The following LTO1 variants were observed in gnomAD, a reference collection of about 807,000 sequenced individuals.
The protein encoded by LTO1 is protein LTO1 homolog.
In LTO1, 18 loss-of-function variants were observed where a neutral mutation model predicts 19.8. The ratio of observed to expected loss-of-function variants is 0.91; its 90% CI spans 0.63 to 1.35. LTO1 has a LOEUF of 1.35. Ranked by LOEUF, LTO1 falls within the 40% of genes most tolerant of loss-of-function variation. LTO1 has a pLI of 0.00. For synonymous variants in LTO1, 59 were observed against 59.6 expected (o/e 0.99, Z 0.05); for missense variants, 175 against 167.9 (o/e 1.04, Z -0.23).
At chr11:69,670,982 C>T (rs1371676111) in intron 3 of LTO1, among the ~76,000 whole-genome samples, 1 of 152,180 alleles carries the variant, frequency 6.6e-6, no homozygotes, top group Admixed American at 6.5e-5. Flanking sequence ...CTCACTGCAA[C>T]CTCTGCCTCC....
intron 3 of LTO1, among the ~76,000 whole-genome samples, chr11:69,670,876 G>T (rs538460406): frequency 6.6e-6 from 1 of 152,284 alleles, no homozygotes; most frequent in African/African-American, 2.4e-5. Context: ...GCTTCAGTAA[G>T]TACAATGCAG....
Position 69,673,268 on chromosome 11 carries a change from A to G in LTO1, c.104T>C (p.Val35Ala), listed in dbSNP as rs1275789290. 1.2e-6 allele frequency: 2 copies of G among 1,613,702 alleles called. No homozygotes were observed. Among genetic ancestry groups the G allele is most frequent in the East Asian group, 2.2e-5 (1 of 44,898 alleles). ...EGYEEGSSLG[V>A]MEGRQHGTLH... ...CGTGCCATGCTGCCTTCCCTCCATC[A>G]CACCCAAACTACTGCCTTCTTCATA... is the stretch of plus-strand genomic sequence containing the variant. Residue 35 changes from valine to alanine, a missense_variant, in exon 2 of 5, where the codon GTG becomes GCG. Coordinates refer to ENST00000279147, the MANE Select transcript of LTO1 (RefSeq NM_153451.3).
At position 69,665,745 on chromosome 11, in the gene LTO1, TGAG is replaced by T. The variant is rs1223886432; in HGVS notation, c.*1771_*1773del. On this transcript the variant is annotated 3_prime_UTR_variant, in exon 5 of 5. Coordinates refer to ENST00000279147, the MANE Select transcript of LTO1 (RefSeq NM_153451.3). The stretch of plus-strand genomic sequence containing the variant: ...GGCACCAGCTCTGATGAAGGCACAA[TGAG>T]GAGATGCCAGCACAGACTTCCCCAG... The T allele has an allele frequency of 6.6e-6, 1 of 152,060 alleles. No homozygotes were observed. Among genetic ancestry groups the T allele is most frequent in the Non-Finnish European group, 1.5e-5 (1 of 68,022 alleles). The allele number at this position is 152,060 out of a possible 1,614,324, so 9.4% of individuals were successfully genotyped here.
Position 69,675,348 on chromosome 11 carries a change from A to C in LTO1, c.-109T>G. On this transcript the variant is annotated 5_prime_UTR_variant, in exon 1 of 5. Transcript: ENST00000279147. ...CTCCGCTTGGGAGGAGACGAGACCCACTTCCGGAAGCGGCGGCGCGGGGCA... is the reference window on the plus strand; with the variant it reads ...CTCCGCTTGGGAGGAGACGAGACCCCCTTCCGGAAGCGGCGGCGCGGGGCA... 5 of 932,424 alleles carry C rather than the reference A, an allele frequency of 5.4e-6. No individual in the cohort carries two copies. Among genetic ancestry groups the C allele is most frequent in the Non-Finnish European group, 7.7e-6 (5 of 647,828 alleles). The allele number at this position is 932,424 out of a possible 1,614,324, so 57.8% of individuals were successfully genotyped here.
intron 1 of LTO1, chr11:69,674,619 AAT>A: frequency 2.7e-6 from 1 of 376,712 alleles, no homozygotes; most frequent in Non-Finnish European, 5.2e-6. Context: ...GCGCGAGCTA[AAT>A]AAACGTCAGC....
intron 2 of LTO1, 104 bp downstream of exon 2, chr11:69,673,112 A>G (rs1856134978): frequency 1.2e-6 from 1 of 810,116 alleles, no homozygotes; most frequent in Non-Finnish European, 2.2e-6. Flanking sequence ...CGGCACTGTG[A>G]TTTTAAAAGG....
chr11:69,671,715 C>CT (rs1856111586), intron 3 of LTO1, 34 bp downstream of exon 3: 1 of 1,246,580 alleles, frequency 8.0e-7, no homozygotes, highest in Admixed American at 1.7e-5. Context: ...CTCCTGGTTC[C>CT]TACGCTGAGA....
rs547891023 is a variant in LTO1, at chr11:69,669,097, AGTCTCTTG to A, written c.228-1093_228-1086del. Among the ~76,000 whole-genome samples the A allele has an allele frequency of 1.1e-3, 161 of 151,924 alleles. 1 individual carries two copies. Among genetic ancestry groups the A allele is most frequent in the African/African-American group, 3.7e-3 (155 of 41,416 alleles). On this transcript the variant is annotated intron_variant, in intron 3 of 4. Coordinates refer to ENST00000279147, the MANE Select transcript of LTO1 (RefSeq NM_153451.3). ...ACAGAGTAGGTGCTCAATAAATGTT[AGTCTCTTG>A]GTCTCTTGGTTTCCTCTGGATCCTA...
At chr11:69,668,767 C>T (rs1013166284) in intron 3 of LTO1, among the ~76,000 whole-genome samples, 1 of 151,872 alleles carries the variant, frequency 6.6e-6, no homozygotes, top group Non-Finnish European at 1.5e-5. Context: ...GTGGCTCACG[C>T]CTGTAATCCC....
In LTO1 at chr11:69,667,801, G is replaced by C. The variant is rs2119834691; in HGVS notation, c.345+94C>G. ...CAGTTCCGCGGCGCACGCAGCCCCA[G>C]GCCATTGCCGCAGCGGCCCCGGGAG... On this transcript the variant is annotated intron_variant, in intron 4 of 4. Transcript: ENST00000279147. 17 of 796,736 alleles carry C rather than the reference G, an allele frequency of 2.1e-5. No individual in the cohort carries two copies. In the South Asian group the frequency reaches 2.4e-4, roughly 11 times the overall value. The allele number at this position is 796,736 out of a possible 1,614,324, so 49.4% of individuals were successfully genotyped here. A position where few individuals can be genotyped will look rare whatever the true frequency, so the allele number is the denominator to read the frequency against.
At chr11:69,667,867 A>G in intron 4 of LTO1, 28 bp downstream of exon 4, 1 of 1,093,416 alleles carries the variant, frequency 9.1e-7, no homozygotes, top group South Asian at 1.2e-5. Context: ...AGGTGCTCCT[A>G]GCAGGAGGAA....
intron 1 of LTO1, among the ~76,000 whole-genome samples, chr11:69,674,040 A>G (rs1429591255): frequency 2.0e-5 from 3 of 151,940 alleles, no homozygotes; most frequent in African/African-American, 7.3e-5. Flanking sequence ...TTTTTAGTAG[A>G]GACGGGGTTT....
intron 3 of LTO1, among the ~76,000 whole-genome samples, chr11:69,668,992 C>T (rs2119839111): frequency 6.8e-6 from 1 of 146,130 alleles, no homozygotes; most frequent in African/African-American, 2.6e-5. Flanking sequence ...TGTGCCACTG[C>T]ACTCCAGCCT....
chr11:69,673,000 C>G, intron 2 of LTO1: 3 of 588,152 alleles, frequency 5.1e-6, no homozygotes, highest in Admixed American at 2.2e-5. Context: ...CAGGGTTTCA[C>G]CATGTTGGTC....
chr11:69,668,675 GT>G (rs60405881), intron 3 of LTO1, among the ~76,000 whole-genome samples: 7,528 of 147,190 alleles, frequency 0.051, 611 homozygotes, highest in African/African-American at 0.18. Flanking sequence ...TTTCTGTTTT[GT>G]TTTTTTTTTT....
intron 1 of LTO1, chr11:69,674,859 A>G (rs1194397581): frequency 1.7e-6 from 1 of 600,502 alleles, no homozygotes; most frequent in Non-Finnish European, 3.1e-6. Flanking sequence ...AAAAAAAGGC[A>G]GCTCCCAGAT....
chr11:69,673,257 TTCCC>T lies in LTO1; in HGVS notation c.111_114del (p.Arg39SerfsTer40). The T allele has an allele frequency of 6.2e-7, 1 of 1,613,758 alleles. No individual in the cohort carries two copies. On this transcript the variant is annotated frameshift_variant, in exon 2 of 5. Transcript: ENST00000279147. LOFTEE classifies it high-confidence loss of function. ...GCTCCATGCAGCGTGCCATGCTGCC[TTCCC>T]TCCATCACACCCAAACTACTGCCTT... is the stretch of plus-strand genomic sequence containing the variant.
Position 69,672,631 on chromosome 11 carries a change from C to CATG in LTO1, c.156+582_156+584dup, listed in dbSNP as rs138479188. 3.0e-3 allele frequency: 529 copies of CATG among 173,498 alleles called. 2 individuals carry two copies. The highest frequency in any genetic ancestry group is 5.0e-3 in the Non-Finnish European group (395 of 79,342). 10.7% of individuals were successfully genotyped at this position (173,498 alleles called of 1,614,324 possible). ...TTTGGCTTAGTACATGAGCCAGCAC[C>CATG]ATGACACTCCCAAGTAAACTAAGGA... On this transcript the variant is annotated intron_variant, in intron 2 of 4. Transcript: ENST00000279147.
intron 2 of LTO1, chr11:69,672,803 T>C (rs775714273): frequency 1.9e-5 from 6 of 312,856 alleles, no homozygotes; most frequent in Non-Finnish European, 3.8e-5. Flanking sequence ...CACTGTGATT[T>C]TTTTTGTTTA....
Sources: allele counts gnomAD v4.1 joint callset (sites outside exome capture counted in the v4.1 genomes callset), GRCh38; gene constraint gnomAD v4.1.1; transcripts MANE v1.5; gene names NCBI Gene and HGNC (gene_info 2026-07-23, HGNC 2026-07-21).